DLG2: variants seen among roughly 807,000 people sequenced by gnomAD.
The protein encoded by DLG2 is discs large MAGUK scaffold protein 2.
In DLG2, 45 loss-of-function variants were observed where a neutral mutation model predicts 132.5. The ratio of observed to expected loss-of-function variants is 0.34; its 90% CI spans 0.27 to 0.44. The LOEUF (loss-of-function observed/expected upper bound fraction) is 0.44, where lower values mean the gene tolerates loss of function less well. DLG2 is among the 20% of genes least tolerant of loss of function. The pLI, the probability that DLG2 is intolerant of heterozygous loss-of-function variation, is 1.00. For missense variants in DLG2, 1,045 were observed against 1,196.9 expected (o/e 0.87, Z 1.87); for synonymous variants, 424 against 419.6 (o/e 1.01, Z -0.13).
At chr11:84,966,201 G>A (rs1044802385) in intron 6 of DLG2, among the ~76,000 whole-genome samples, 9 of 151,784 alleles carry the variant, frequency 5.9e-5, no homozygotes, top group East Asian at 1.9e-4. Context: ...CATGTATCTC[G>A]CTGTCTATCT....
intron 6 of DLG2, among the ~76,000 whole-genome samples, chr11:85,060,180 T>A (rs577051745): frequency 5.9e-5 from 9 of 151,658 alleles, no homozygotes; most frequent in Non-Finnish European, 1.2e-4. Context: ...TTCACATAAC[T>A]GGAATTATGC....
At chr11:83,835,187 T>A (rs371519252) in intron 16 of DLG2, among the ~76,000 whole-genome samples, 4 of 152,312 alleles carry the variant, frequency 2.6e-5, no homozygotes, top group African/African-American at 9.6e-5. Context: ...ACACCTACTG[T>A]GCCAGGAAGG....
At chr11:83,970,609 G>C (rs189893880) in intron 12 of DLG2, among the ~76,000 whole-genome samples, 27 of 152,332 alleles carry the variant, frequency 1.8e-4, no homozygotes, top group Non-Finnish European at 3.5e-4. Context: ...CTAGCTGTGT[G>C]ATTTGGGGAG....
At chr11:85,376,191 G>C (rs2085389881) in intron 3 of DLG2, among the ~76,000 whole-genome samples, 1 of 152,148 alleles carries the variant, frequency 6.6e-6, no homozygotes, top group African/African-American at 2.4e-5. Flanking sequence ...AATAGAAATT[G>C]TAGAGATGCA....
Position 85,507,571 on chromosome 11 carries a change from G to A in DLG2, c.40+91086C>T, listed in dbSNP as rs573771319. Among the ~76,000 whole-genome samples the A allele has an allele frequency of 7.9e-5, 12 of 152,308 alleles. No individual in the cohort carries two copies. The South Asian group carries it at 1.4e-3, about 18-fold the overall frequency. On this transcript the variant is annotated intron_variant, in intron 3 of 27. Coordinates refer to ENST00000376104, the MANE Select transcript of DLG2 (RefSeq NM_001142699.3). ...TCTTATGGCTTGCAGAGTTTCTGCC[G>A]AGAGATCAGCTGTTAGTCTGATGGG...
At chr11:84,156,715 G>T (rs1256502936) in intron 9 of DLG2, among the ~76,000 whole-genome samples, 1 of 152,124 alleles carries the variant, frequency 6.6e-6, no homozygotes, top group East Asian at 1.9e-4. Flanking sequence ...ATAGAGAAAA[G>T]AAAAATGACT....
intron 11 of DLG2, among the ~76,000 whole-genome samples, chr11:83,996,544 T>A (rs1190564728): frequency 1.3e-5 from 2 of 152,194 alleles, no homozygotes; most frequent in Non-Finnish European, 2.9e-5. Flanking sequence ...CTATTTACAA[T>A]AGCTAAGATT....
intron 8 of DLG2, among the ~76,000 whole-genome samples, chr11:84,212,694 C>CT (rs1387223059): frequency 3.9e-5 from 6 of 152,200 alleles, no homozygotes; most frequent in Admixed American, 3.9e-4. Context: ...GAGTCTCGCT[C>CT]TGTTACTCAG....
chr11:85,234,463 T>C (rs955167434), intron 4 of DLG2, among the ~76,000 whole-genome samples: 10 of 151,956 alleles, frequency 6.6e-5, no homozygotes, highest in Admixed American at 5.9e-4. Flanking sequence ...TCATGCAAAC[T>C]AAGGGCAGGA....
chr11:83,816,988 ATT>A (rs3040179), intron 17 of DLG2, among the ~76,000 whole-genome samples: 100,413 of 151,466 alleles, frequency 0.66, 34,028 homozygotes, highest in African/African-American at 0.8. Flanking sequence ...CTGCCCATGC[ATT>A]GTTGGCCATG....
At chr11:83,751,610 C>T (rs2093316218) in intron 18 of DLG2, among the ~76,000 whole-genome samples, 1 of 151,996 alleles carries the variant, frequency 6.6e-6, no homozygotes, top group African/African-American at 2.4e-5. Context: ...TAAGGTGTAG[C>T]TGATCAAATT....
chr11:84,211,966 G>C (rs1455212385), intron 8 of DLG2, among the ~76,000 whole-genome samples: 1 of 152,138 alleles, frequency 6.6e-6, no homozygotes, highest in African/African-American at 2.4e-5. Context: ...CCTCCCTCAA[G>C]TGTGAGCTGG....
chr11:84,936,983 T>C (rs2048823964), intron 6 of DLG2, among the ~76,000 whole-genome samples: 2 of 152,088 alleles, frequency 1.3e-5, no homozygotes, highest in South Asian at 4.1e-4. Context: ...TAAAACCACG[T>C]CTGTACTAAA....
chr11:85,086,575 CTCCCAAAATTCAACTCTGTCTGAAGATA>C (rs1407614784), intron 6 of DLG2, among the ~76,000 whole-genome samples: 2 of 152,126 alleles, frequency 1.3e-5, no homozygotes, highest in Non-Finnish European at 2.9e-5. Flanking sequence ...GACCTAGTAG[CTCCCAAAATTCAACTCTGTCTGAAGATA>C]AACAATTCAG....
intron 19 of DLG2, among the ~76,000 whole-genome samples, chr11:83,548,577 A>G (rs1183276550): frequency 2.0e-5 from 3 of 151,884 alleles, no homozygotes; most frequent in Non-Finnish European, 4.4e-5. Flanking sequence ...AACAACAACA[A>G]CAACCCACTG....
intron 7 of DLG2, among the ~76,000 whole-genome samples, chr11:84,369,325 C>A (rs1567435837): frequency 6.6e-6 from 1 of 151,610 alleles, no homozygotes; most frequent in East Asian, 1.9e-4. Flanking sequence ...TCTGTCTCTT[C>A]AAAAAAAAGT....
chr11:85,350,010 T>G (rs2083158357), intron 3 of DLG2, among the ~76,000 whole-genome samples: 1 of 152,238 alleles, frequency 6.6e-6, no homozygotes, highest in Non-Finnish European at 1.5e-5. Flanking sequence ...ATAGTTGAAC[T>G]AATTTACACT....
In DLG2 at chr11:85,146,263, T is replaced by C. The variant is rs555828569; in HGVS notation, c.282+8293A>G. Among the ~76,000 whole-genome samples the C allele has an allele frequency of 2.3e-4, 34 of 148,756 alleles. No individual in the cohort carries two copies. In the East Asian group the frequency reaches 5.0e-3, roughly 22 times the overall value. On this transcript the variant is annotated intron_variant, in intron 5 of 27. Transcript: ENST00000376104. ...CTCTCTCTCTCTCTCTCTCTCTCTC[T>C]CCTGAGCTTCCTGGAGTTGGGGGAG...
At chr11:84,275,767 A>T (rs2097778071) in intron 7 of DLG2, among the ~76,000 whole-genome samples, 1 of 152,250 alleles carries the variant, frequency 6.6e-6, no homozygotes, top group Non-Finnish European at 1.5e-5. Flanking sequence ...CAAAAAGGCA[A>T]ATTTAAAAAC....
Sources: gnomAD v4.1 joint callset for allele counts (sites outside exome capture counted in the v4.1 genomes callset) on GRCh38, gnomAD v4.1.1 for gene constraint, MANE v1.5 for transcripts, NCBI Gene and HGNC (gene_info 2026-07-23, HGNC 2026-07-21) for gene names.